The following PTPRT variants were observed in gnomAD, a reference collection of about 807,000 sequenced individuals.
PTPRT encodes the protein receptor-type tyrosine-protein phosphatase T.
PTPRT carries 56 observed loss-of-function variants against 176.8 expected under a neutral mutation model. The ratio of observed to expected loss-of-function variants is 0.32; its 90% CI spans 0.26 to 0.40. The LOEUF is 0.40. Among genes scored for constraint, PTPRT ranks in the 10% least tolerant of loss-of-function variants. PTPRT has a pLI of 1.00. For missense variants in PTPRT, 1,540 were observed against 1,908.2 expected, an observed-to-expected ratio of 0.81 and a Z score of 3.60; for synonymous variants, 783 against 739.0, an observed-to-expected ratio of 1.06 and a Z score of -0.96.
intron 7 of PTPRT, among the ~76,000 whole-genome samples, chr20:42,614,333 C>T (rs996071047): frequency 3.9e-5 from 6 of 152,192 alleles, no homozygotes; most frequent in South Asian, 2.1e-4. Flanking sequence ...GCACAATGAC[C>T]GTATTTCCAA....
At chr20:42,419,592 C>A (rs1343395140) in intron 9 of PTPRT, among the ~76,000 whole-genome samples, 1 of 152,092 alleles carries the variant, frequency 6.6e-6, no homozygotes, top group Non-Finnish European at 1.5e-5. Flanking sequence ...GGTAAGGCAG[C>A]TTTGAGTACT....
chr20:42,373,135 C>T (rs149590392), intron 9 of PTPRT, among the ~76,000 whole-genome samples: 2 of 152,152 alleles, frequency 1.3e-5, no homozygotes, highest in African/African-American at 2.4e-5. Context: ...GTATACATTG[C>T]GTTATTTACT....
chr20:42,686,504 G>T, intron 6 of PTPRT, among the ~76,000 whole-genome samples: 3 of 75,632 alleles, frequency 4.0e-5, no homozygotes, highest in South Asian at 4.8e-4. Flanking sequence ...TTTTTTTTGA[G>T]ACAGAGTCTC....
intron 1 of PTPRT, among the ~76,000 whole-genome samples, chr20:42,955,195 C>T (rs566574562): frequency 6.6e-6 from 1 of 152,278 alleles, no homozygotes; most frequent in South Asian, 2.1e-4. Flanking sequence ...ATTCTACAAG[C>T]TTATCTGTAT....
At chr20:42,916,712 C>T (rs1978783483) in intron 1 of PTPRT, among the ~76,000 whole-genome samples, 1 of 152,174 alleles carries the variant, frequency 6.6e-6, no homozygotes, top group South Asian at 2.1e-4. Context: ...TCTCTGATGG[C>T]CAGTGATGGT....
intron 7 of PTPRT, among the ~76,000 whole-genome samples, chr20:42,602,351 T>A (rs1409331351): frequency 6.6e-6 from 1 of 152,162 alleles, no homozygotes; most frequent in Non-Finnish European, 1.5e-5. Context: ...TACTAGATTG[T>A]TCTTAGGAAC....
chr20:42,259,728 A>T (rs2056713907), intron 13 of PTPRT, among the ~76,000 whole-genome samples: 1 of 152,226 alleles, frequency 6.6e-6, no homozygotes, highest in Non-Finnish European at 1.5e-5. Context: ...AGCAGAGATC[A>T]GGAGTCAACT....
chr20:42,583,748 G>A (rs2073421267), intron 7 of PTPRT, among the ~76,000 whole-genome samples: 1 of 152,056 alleles, frequency 6.6e-6, no homozygotes, highest in African/African-American at 2.4e-5. Context: ...ATTCTATTAT[G>A]TGAATGTAAA....
chr20:42,106,703 C>G, intron 24 of PTPRT, 83 bp downstream of exon 24: 1 of 1,537,396 alleles, frequency 6.5e-7, no homozygotes, highest in South Asian at 1.3e-5. Flanking sequence ...ATGCCCCTAC[C>G]TATGTGTCTC....
rs1203236282 is a variant in PTPRT, at chr20:42,315,965, G to T, written c.1897C>A (p.Leu633Ile). Reference sequence around the variant, plus strand: ...TCAGCTGCCCTCCGTGACTTCTGAAGTCGCTCCTCCTTGACAACCAGCTGA... The same window carrying T: ...TCAGCTGCCCTCCGTGACTTCTGAATTCGCTCCTCCTTGACAACCAGCTGA... ...VYQLVVKEER[L>I]QKSRRAADII... The change falls in exon 12 of 31, where the codon CTT (leucine) becomes ATT (isoleucine). Residue 633 changes from leucine (L) to isoleucine (I), a missense_variant. Physicochemically the swap from Leu to Ile is conservative, Grantham distance 5. Coordinates refer to ENST00000373187, the MANE Select transcript of PTPRT (RefSeq NM_007050.6). The T allele has an allele frequency of 1.9e-6, 3 of 1,614,100 alleles. No individual in the cohort carries two copies. Among genetic ancestry groups the T allele is most frequent in the East Asian group, 2.2e-5 (1 of 44,884 alleles).
chr20:42,279,041 C>CT (rs2057095933), intron 13 of PTPRT, among the ~76,000 whole-genome samples: 1 of 152,028 alleles, frequency 6.6e-6, no homozygotes. Context: ...TTAAATTGCT[C>CT]TTTTTTGCTC....
At chr20:42,382,825 G>A (rs997396425) in intron 9 of PTPRT, among the ~76,000 whole-genome samples, 1 of 152,132 alleles carries the variant, frequency 6.6e-6, no homozygotes, top group Non-Finnish European at 1.5e-5. Context: ...CCACCCATAG[G>A]TGGTCACTAT....
chr20:42,796,836 A>T (rs754955297), intron 2 of PTPRT, among the ~76,000 whole-genome samples: 75 of 152,156 alleles, frequency 4.9e-4, no homozygotes, highest in Non-Finnish European at 9.7e-4. Context: ...CCTGGGATAA[A>T]CTGGAACCCA....
intron 6 of PTPRT, among the ~76,000 whole-genome samples, chr20:42,735,644 C>T (rs934218106): frequency 5.3e-5 from 8 of 152,188 alleles, no homozygotes; most frequent in Non-Finnish European, 7.3e-5. Context: ...ACTGCACGCA[C>T]GACACTTGAA....
downstream of PTPRT, among the ~76,000 whole-genome samples, chr20:42,068,263 T>C (rs557407335): frequency 6.6e-6 from 1 of 152,186 alleles, no homozygotes; most frequent in Non-Finnish European, 1.5e-5. Context: ...AAAGGCACCA[T>C]GGACTTCCCA....
chr20:42,829,104 C>A (rs1373787385), intron 2 of PTPRT, among the ~76,000 whole-genome samples: 1 of 152,178 alleles, frequency 6.6e-6, no homozygotes, highest in Non-Finnish European at 1.5e-5. Flanking sequence ...CCAAGCTGCC[C>A]AAGGCCATGG....
chr20:42,060,151 C>A, the PTPRT span, among the ~76,000 whole-genome samples: 10 of 152,254 alleles, frequency 6.6e-5, no homozygotes, highest in African/African-American at 1.9e-4. Flanking sequence ...CCCAAAGAGA[C>A]CTTAGACAAT....
At position 42,413,168 on chromosome 20, in the gene PTPRT, G is replaced by A. The variant is rs538681237; in HGVS notation, c.1560+35052C>T. Among the ~76,000 whole-genome samples the A allele has an allele frequency of 2.0e-5, 3 of 152,198 alleles. No homozygotes were observed. In the South Asian group the frequency reaches 6.2e-4, roughly 32 times the overall value. On this transcript the variant is annotated intron_variant, in intron 9 of 30. Coordinates refer to ENST00000373187, the MANE Select transcript of PTPRT (RefSeq NM_007050.6). Reference sequence around the variant, plus strand: ...TACCACCATTTTATTTGAAAACCTGGATGGATTTCCAAGAAACCACAAATG... The same window carrying A: ...TACCACCATTTTATTTGAAAACCTGAATGGATTTCCAAGAAACCACAAATG...
intron 1 of PTPRT, among the ~76,000 whole-genome samples, chr20:43,038,241 G>C (rs1442595550): frequency 6.6e-6 from 1 of 150,888 alleles, no homozygotes; most frequent in Admixed American, 6.6e-5. Flanking sequence ...TTCGCCCAAA[G>C]GGTTTCAGAC....
Sources: gnomAD v4.1 joint callset for allele counts (sites outside exome capture counted in the v4.1 genomes callset) on GRCh38, gnomAD v4.1.1 for gene constraint, MANE v1.5 for transcripts, NCBI Gene and HGNC (gene_info 2026-07-23, HGNC 2026-07-21) for gene names.